The following SESTD1 variants were observed in gnomAD, a reference collection of about 807,000 sequenced individuals.
SESTD1 encodes SEC14 and spectrin domain containing 1, also known as SEC14 domain and spectrin repeat-containing protein 1.
Under a neutral mutation model 101.7 loss-of-function variants are expected in SESTD1, and 43 were observed. The ratio of observed to expected loss-of-function variants is 0.42; its 90% confidence interval spans 0.33 to 0.55. The LOEUF is 0.55. SESTD1 is among the 20% of genes least tolerant of loss of function. The probability of loss-of-function intolerance (pLI) is 0.07; values close to 1 mark genes in which losing one functional copy is unlikely to be tolerated. For missense variants in SESTD1, 647 were observed against 815.1 expected, an observed-to-expected ratio of 0.79 and a Z score of 2.51; for synonymous variants, 283 against 286.8, an observed-to-expected ratio of 0.99 and a Z score of 0.13.
intron 1 of SESTD1, among the ~76,000 whole-genome samples, chr2:179,218,916 A>G (rs1056957017): frequency 2.6e-5 from 4 of 152,232 alleles, no homozygotes; most frequent in African/African-American, 9.6e-5. Flanking sequence ...CATCTGATGA[A>G]TTAATGGATA....
chr2:179,189,371 C>T (rs1485504374), intron 2 of SESTD1, among the ~76,000 whole-genome samples: 1 of 152,080 alleles, frequency 6.6e-6, no homozygotes, highest in Non-Finnish European at 1.5e-5. Flanking sequence ...ATCCAACATC[C>T]TTTCATGATA....
chr2:179,232,847 G>C (rs1486062147), intron 1 of SESTD1, among the ~76,000 whole-genome samples: 2 of 152,134 alleles, frequency 1.3e-5, no homozygotes, highest in Non-Finnish European at 2.9e-5. Context: ...AGAACCAAAA[G>C]AACTATATAC....
Position 179,210,953 on chromosome 2 carries a change from T to A in SESTD1, c.-25-19087A>T, listed in dbSNP as rs1198672441. On this transcript the variant is annotated intron_variant, in intron 1 of 17. Transcript: ENST00000428443. ...AACACTAAAAAACTCCTAGATCTGA[T>A]CAATGAATTCAATAAAGTTTCAGGA... Among the ~76,000 whole-genome samples, 2 of 133,468 alleles carry A rather than the reference T, an allele frequency of 1.5e-5. 1 individual carries two copies. The allele number at this position is 133,468 out of a possible 152,430, so 87.6% of individuals were successfully genotyped here.
chr2:179,156,329 T>G (rs1007089579), intron 5 of SESTD1, among the ~76,000 whole-genome samples: 1 of 152,160 alleles, frequency 6.6e-6, no homozygotes, highest in African/African-American at 2.4e-5. Flanking sequence ...TAATGACTTC[T>G]TTTCTTCTGG....
At chr2:179,184,538 T>A (rs1289591842) in intron 2 of SESTD1, among the ~76,000 whole-genome samples, 3 of 152,084 alleles carry the variant, frequency 2.0e-5, no homozygotes, top group African/African-American at 7.2e-5. Context: ...CTATTTTTTG[T>A]TCAGAATATG....
At chr2:179,150,850 TA>T (rs1192048811) in intron 6 of SESTD1, among the ~76,000 whole-genome samples, 4 of 152,076 alleles carry the variant, frequency 2.6e-5, no homozygotes, top group African/African-American at 9.7e-5. Flanking sequence ...ATGCTACTGT[TA>T]TTCTAATTAA....
intron 9 of SESTD1, among the ~76,000 whole-genome samples, chr2:179,136,257 G>C (rs2045141638): frequency 6.6e-6 from 1 of 152,138 alleles, no homozygotes; most frequent in Non-Finnish European, 1.5e-5. Flanking sequence ...TTATATGTAA[G>C]ACAGCACATT....
intron 1 of SESTD1, among the ~76,000 whole-genome samples, chr2:179,247,593 T>C (rs552739239): frequency 0.053 from 4,109 of 78,194 alleles, 87 homozygotes; most frequent in Admixed American, 0.092. Context: ...CCTGGCTAAT[T>C]TGTTAAATTT....
chr2:179,195,851 A>C (rs951961787), intron 1 of SESTD1, among the ~76,000 whole-genome samples: 5 of 146,966 alleles, frequency 3.4e-5, no homozygotes, highest in Admixed American at 1.4e-4. Context: ...AGGTTATTTA[A>C]AAAAAAAAAA....
intron 4 of SESTD1, among the ~76,000 whole-genome samples, chr2:179,173,215 A>G (rs888753368): frequency 1.3e-5 from 2 of 152,136 alleles, no homozygotes; most frequent in African/African-American, 4.8e-5. Flanking sequence ...GATTCTATTC[A>G]AATATTCCCT....
intron 5 of SESTD1, among the ~76,000 whole-genome samples, chr2:179,166,239 C>T (rs1202507567): frequency 6.6e-6 from 1 of 151,988 alleles, no homozygotes; most frequent in Non-Finnish European, 1.5e-5. Context: ...ATGAGAAAGA[C>T]TGGAAATAAG....
intron 1 of SESTD1, among the ~76,000 whole-genome samples, chr2:179,241,948 A>C (rs1444818296): frequency 6.6e-6 from 1 of 151,902 alleles, no homozygotes; most frequent in East Asian, 1.9e-4. Flanking sequence ...AAAAATTAAG[A>C]ACAGGCAGGA....
intron 1 of SESTD1, among the ~76,000 whole-genome samples, chr2:179,242,987 A>C (rs1478831570): frequency 2.6e-5 from 4 of 152,336 alleles, no homozygotes; most frequent in African/African-American, 9.6e-5. Flanking sequence ...TGCACAGCAA[A>C]AGAAACTATC....
At chr2:179,214,749 C>A (rs1443674445) in intron 1 of SESTD1, among the ~76,000 whole-genome samples, 1 of 135,186 alleles carries the variant, frequency 7.4e-6, no homozygotes, top group Non-Finnish European at 1.6e-5. Flanking sequence ...TAAAGCACTT[C>A]TGAGCAAATG....
intron 15 of SESTD1, among the ~76,000 whole-genome samples, chr2:179,116,155 T>C (rs1044624026): frequency 2.1e-4 from 32 of 152,002 alleles, no homozygotes; most frequent in African/African-American, 7.5e-4. Flanking sequence ...GTGCCTGTAA[T>C]CCCAGCTACG....
In SESTD1 at chr2:179,197,301, G is replaced by A. The variant is rs181064153; in HGVS notation, c.-25-5435C>T. On this transcript the variant is annotated intron_variant, in intron 1 of 17. Transcript: ENST00000428443. ...ATGAGCAAAGCCTCCAAGAAATATG[G>A]GACTACGTGAAAAGACCAAATCTAC... Among the ~76,000 whole-genome samples, 11 of 152,088 alleles carry A rather than the reference G, an allele frequency of 7.2e-5. No homozygotes were observed. The East Asian group carries it at 2.1e-3, about 29-fold the overall frequency.
At chr2:179,147,365 G>GT (rs113504437) in intron 7 of SESTD1, among the ~76,000 whole-genome samples, 20,863 of 141,056 alleles carry the variant, frequency 0.15, 3,206 homozygotes, top group African/African-American at 0.4. Context: ...TTGTTTTTTT[G>GT]TTTTTTTTTT....
At chr2:179,172,825 T>A (rs1333300046) in intron 4 of SESTD1, among the ~76,000 whole-genome samples, 1 of 152,258 alleles carries the variant, frequency 6.6e-6, no homozygotes, top group African/African-American at 2.4e-5. Flanking sequence ...ATATTTCACA[T>A]ATATTTTATC....
intron 7 of SESTD1, among the ~76,000 whole-genome samples, chr2:179,147,877 C>T (rs2045430534): frequency 6.6e-6 from 1 of 152,130 alleles, no homozygotes; most frequent in African/African-American, 2.4e-5. Flanking sequence ...CTCGGATGGA[C>T]TATTCAGAAA....
Sources: allele counts gnomAD v4.1 joint callset (sites outside exome capture counted in the v4.1 genomes callset), GRCh38; gene constraint gnomAD v4.1.1; transcripts MANE v1.5; gene names NCBI Gene and HGNC (gene_info 2026-07-23, HGNC 2026-07-21).